The following ACOXL variants were observed in gnomAD, a reference collection of about 807,000 sequenced individuals.
ACOXL encodes the protein acyl-coenzyme A oxidase-like protein.
ACOXL carries 70 observed loss-of-function variants against 71.9 expected under a neutral mutation model. That is an observed-to-expected ratio of 0.97 (90% CI 0.80 to 1.19). The LOEUF (loss-of-function observed/expected upper bound fraction) is 1.19, where lower values mean the gene tolerates loss of function less well. Among genes scored for constraint, ACOXL ranks in the 50% most tolerant of loss-of-function variants. The pLI, the probability that ACOXL is intolerant of heterozygous loss-of-function variation, is 0.00. For synonymous variants in ACOXL, 253 were observed against 281.6 expected (o/e 0.90, Z 1.02); for missense variants, 703 against 736.3 (o/e 0.95, Z 0.52).
intron 10 of ACOXL, among the ~76,000 whole-genome samples, chr2:110,874,390 C>T (rs1474242374): frequency 6.6e-6 from 1 of 151,598 alleles, no homozygotes; most frequent in African/African-American, 2.4e-5. Flanking sequence ...CCACACCTGA[C>T]ATCCCTCGGT....
rs377735529 is a variant in ACOXL at position 110,770,554 on chromosome 2, G to A, written c.75+2090G>A. Among the ~76,000 whole-genome samples the A allele has an allele frequency of 9.8e-5, 15 of 152,356 alleles. 1 individual carries two copies. In the East Asian group the frequency reaches 2.9e-3, roughly 29 times the overall value. The stretch of plus-strand genomic sequence containing the variant: ...GAAAACTCCCATGTGACAAAGTGGA[G>A]CGTGCTTGCGAAGCGTAAAAAATCA... On this transcript the variant is annotated intron_variant, in intron 2 of 17. Transcript: ENST00000439055.
At chr2:111,044,939 C>T (rs538728244) in intron 15 of ACOXL, among the ~76,000 whole-genome samples, 15 of 152,276 alleles carry the variant, frequency 9.9e-5, no homozygotes, top group African/African-American at 3.4e-4. Context: ...TGATCCCCAA[C>T]CTCAAAGCCA....
chr2:111,036,298 C>T (rs547072454), intron 15 of ACOXL, among the ~76,000 whole-genome samples: 1 of 152,202 alleles, frequency 6.6e-6, no homozygotes, highest in African/African-American at 2.4e-5. Context: ...TTAGAGAAGT[C>T]TCATGTGGCC....
At chr2:110,766,378 T>C (rs1681070343) in intron 1 of ACOXL, among the ~76,000 whole-genome samples, 1 of 152,238 alleles carries the variant, frequency 6.6e-6, no homozygotes, top group African/African-American at 2.4e-5. Flanking sequence ...TATATTCAGC[T>C]TCCTGTTGAG....
chr2:110,782,217 A>T (rs911289471), intron 2 of ACOXL, among the ~76,000 whole-genome samples: 1 of 152,342 alleles, frequency 6.6e-6, no homozygotes, highest in East Asian at 1.9e-4. Flanking sequence ...TACTGCTGCA[A>T]TGTAGAAGAG....
chr2:111,100,088 T>C (rs1159215512), intron 17 of ACOXL: 1 of 152,178 alleles, frequency 6.6e-6, no homozygotes, highest in Non-Finnish European at 1.5e-5. Context: ...TTGGGACGTA[T>C]GGAAAAGAAC....
At chr2:110,797,638 A>G (rs1685438418) in intron 5 of ACOXL, among the ~76,000 whole-genome samples, 1 of 152,202 alleles carries the variant, frequency 6.6e-6, no homozygotes, top group Non-Finnish European at 1.5e-5. Context: ...AGGAAGGTTC[A>G]GGGCCTGGGA....
chr2:110,922,810 A>G (rs1202009303), intron 11 of ACOXL, among the ~76,000 whole-genome samples: 1 of 152,204 alleles, frequency 6.6e-6, no homozygotes, highest in Non-Finnish European at 1.5e-5. Context: ...GTAATTGATA[A>G]AAGAAAGAAC....
chr2:111,041,700 G>T (rs2149794407), intron 15 of ACOXL, among the ~76,000 whole-genome samples: 1 of 152,352 alleles, frequency 6.6e-6, no homozygotes, highest in South Asian at 2.1e-4. Context: ...GGGACAGCGT[G>T]CCACTGTCCA....
At chr2:110,963,707 G>A (rs778592045) in intron 12 of ACOXL, 2 of 1,613,802 alleles carry the variant, frequency 1.2e-6, no homozygotes, top group Non-Finnish European at 1.7e-6. Flanking sequence ...ATGTTGTTAT[G>A]CTTCAGGTAA....
At chr2:111,022,703 G>A (rs1217090463) in intron 14 of ACOXL, among the ~76,000 whole-genome samples, 3 of 152,262 alleles carry the variant, frequency 2.0e-5, no homozygotes, top group Admixed American at 6.5e-5. Flanking sequence ...GGGGCCCCCA[G>A]ACCTCCCAGC....
chr2:111,027,521 C>A (rs1237720991), intron 14 of ACOXL, among the ~76,000 whole-genome samples: 1 of 151,668 alleles, frequency 6.6e-6, no homozygotes, highest in Non-Finnish European at 1.5e-5. Flanking sequence ...AGGGTTTCAC[C>A]ATATTGGCCA....
At position 110,933,690 on chromosome 2, in the gene ACOXL, A is replaced by C. The variant is rs1215580447; in HGVS notation, c.1059+48A>C. ...CCCGTGGGTCCCCACGATACAACCCACACTGGGGGAGCACTGTGGGGCGGG... is the reference window on the plus strand; with the variant it reads ...CCCGTGGGTCCCCACGATACAACCCCCACTGGGGGAGCACTGTGGGGCGGG... On this transcript the variant is annotated intron_variant, in intron 12 of 17. Transcript: ENST00000439055. The C allele has an allele frequency of 1.9e-6, 3 of 1,560,990 alleles. No homozygotes were observed. The African/African-American group carries it at 4.1e-5, about 21-fold the overall frequency.
intron 1 of ACOXL, among the ~76,000 whole-genome samples, chr2:110,762,392 C>T (rs746516051): frequency 6.6e-6 from 1 of 152,008 alleles, no homozygotes; most frequent in Non-Finnish European, 1.5e-5. Context: ...TTTATTTCTT[C>T]TGTTTCTTAT....
At chr2:110,770,093 AC>A (rs1250481744) in intron 2 of ACOXL, among the ~76,000 whole-genome samples, 3 of 151,864 alleles carry the variant, frequency 2.0e-5, no homozygotes, top group Non-Finnish European at 4.4e-5. Context: ...GCCCTCTGAG[AC>A]CCCCTAAGGG....
At chr2:110,736,349 AT>A (rs1676842828) in intron 1 of ACOXL, among the ~76,000 whole-genome samples, 1 of 152,088 alleles carries the variant, frequency 6.6e-6, no homozygotes, top group African/African-American at 2.4e-5. Context: ...ATCATCCCAA[AT>A]GGAAACTCTG....
At chr2:111,031,370 C>A (rs766311682) in intron 14 of ACOXL, among the ~76,000 whole-genome samples, 2 of 152,162 alleles carry the variant, frequency 1.3e-5, no homozygotes, top group Non-Finnish European at 2.9e-5. Context: ...CTCCCCTTCA[C>A]GTGTTTCTCT....
intron 15 of ACOXL, among the ~76,000 whole-genome samples, chr2:111,048,164 T>C (rs2066107240): frequency 6.6e-6 from 1 of 152,178 alleles, no homozygotes; most frequent in Non-Finnish European, 1.5e-5. Flanking sequence ...TGCCCACCTT[T>C]GTGGGATCTG....
At chr2:110,843,559 A>C (rs1168324053) in intron 10 of ACOXL, among the ~76,000 whole-genome samples, 1 of 152,224 alleles carries the variant, frequency 6.6e-6, no homozygotes, top group African/African-American at 2.4e-5. Flanking sequence ...CTGTAGTTCT[A>C]CTAGTTCAGC....
Sources: allele counts gnomAD v4.1 joint callset (sites outside exome capture counted in the v4.1 genomes callset), GRCh38; gene constraint gnomAD v4.1.1; transcripts MANE v1.5; gene names NCBI Gene and HGNC (gene_info 2026-07-23, HGNC 2026-07-21).